DCLK1: variants seen among roughly 807,000 people sequenced by gnomAD.
DCLK1 encodes the protein serine/threonine-protein kinase DCLK1.
In DCLK1, 16 loss-of-function variants were observed where a neutral mutation model predicts 86.2. The observed-to-expected ratio is 0.19, with a 90% CI of 0.13 to 0.28. The LOEUF (loss-of-function observed/expected upper bound fraction) is 0.28, where lower values mean the gene tolerates loss of function less well. Among genes scored for constraint, DCLK1 ranks in the 10% least tolerant of loss-of-function variants. DCLK1 has a pLI of 1.00. For synonymous variants in DCLK1, 369 were observed against 370.5 expected, an observed-to-expected ratio of 1.00 and a Z score of 0.05; for missense variants, 590 against 940.2, an observed-to-expected ratio of 0.63 and a Z score of 4.87.
chr13:36,029,744 G>A (rs1417626120), intron 3 of DCLK1, among the ~76,000 whole-genome samples: 1 of 152,004 alleles, frequency 6.6e-6, no homozygotes, highest in Non-Finnish European at 1.5e-5. Context: ...AGAAACCAAT[G>A]GAAAAACAAG....
chr13:36,112,062 C>A lies in DCLK1; in HGVS notation c.530G>T (p.Arg177Leu), dbSNP rs766765628. The change falls in exon 3 of 17, where the codon CGA becomes CTA. Residue 177 changes from arginine to leucine, a missense_variant. Physicochemically the swap from Arg to Leu is moderately radical, Grantham distance 102 (BLOSUM62 -2). Transcript: ENST00000360631. ...ATAKGSPSEV[R>L]ENKDFIRPKL... ...GGGCCGAATGAAATCCTTATTCTCT[C>A]GCACCTCTGAAGGGCTTCCTTTGGC... 6.2e-7 allele frequency: 1 copy of A among 1,614,174 alleles called. No homozygotes were observed. The highest frequency in any genetic ancestry group is 8.5e-7 in the Non-Finnish European group (1 of 1,180,042).
chr13:36,060,140 G>C (rs1883488008), intron 3 of DCLK1, among the ~76,000 whole-genome samples: 1 of 151,952 alleles, frequency 6.6e-6, no homozygotes, highest in Admixed American at 6.5e-5. Context: ...CAAGGTGCTG[G>C]GATTACAGGG....
At chr13:35,797,143 GT>G (rs1180903019) in intron 15 of DCLK1, among the ~76,000 whole-genome samples, 3 of 152,224 alleles carry the variant, frequency 2.0e-5, no homozygotes, top group Admixed American at 1.3e-4. Flanking sequence ...AGCCAACAGG[GT>G]TGCCGTATGA....
At chr13:35,934,310 G>C (rs1876632928) in intron 4 of DCLK1, among the ~76,000 whole-genome samples, 1 of 152,116 alleles carries the variant, frequency 6.6e-6, no homozygotes, top group African/African-American at 2.4e-5. Context: ...CTTCTTAGCA[G>C]CACCCCACTC....
At chr13:35,937,536 C>T (rs1452413294) in intron 4 of DCLK1, among the ~76,000 whole-genome samples, 1 of 152,090 alleles carries the variant, frequency 6.6e-6, no homozygotes, top group Non-Finnish European at 1.5e-5. Context: ...GGAAATGGAA[C>T]TCCCATTTTG....
intron 3 of DCLK1, among the ~76,000 whole-genome samples, chr13:36,055,158 C>G (rs1180552239): frequency 3.3e-5 from 5 of 152,050 alleles, no homozygotes; most frequent in Admixed American, 1.3e-4. Flanking sequence ...AACAGCCGTT[C>G]CCAGAAACCA....
At chr13:36,072,029 C>CA (rs1419736298) in intron 3 of DCLK1, among the ~76,000 whole-genome samples, 1 of 152,170 alleles carries the variant, frequency 6.6e-6, no homozygotes, top group Non-Finnish European at 1.5e-5. Flanking sequence ...CAGATTGAAG[C>CA]CATTCTTACT....
At position 36,079,511 on chromosome 13, in the gene DCLK1, A is replaced by C. The variant is rs1884339231; in HGVS notation, c.723+32358T>G. Among the ~76,000 whole-genome samples the C allele has an allele frequency of 2.0e-5, 3 of 152,206 alleles. No homozygotes were observed. In the South Asian group the frequency reaches 6.2e-4, roughly 32 times the overall value. Reference sequence around the variant, plus strand: ...GCCGGGCATGGTGGCGGGCACATGTAATCCCAGCTACTTGGGAGGCTGAGG... The same window carrying C: ...GCCGGGCATGGTGGCGGGCACATGTCATCCCAGCTACTTGGGAGGCTGAGG... On this transcript the variant is annotated intron_variant, in intron 3 of 16. Coordinates refer to ENST00000360631, the MANE Select transcript of DCLK1 (RefSeq NM_001330071.2).
chr13:35,835,566 G>A (rs185223905), intron 8 of DCLK1, among the ~76,000 whole-genome samples: 27 of 152,168 alleles, frequency 1.8e-4, no homozygotes, highest in African/African-American at 5.8e-4. Context: ...ATTTTAATAC[G>A]TCTTAATGTG....
At chr13:35,897,922 A>T (rs908783860) in intron 4 of DCLK1, among the ~76,000 whole-genome samples, 4 of 152,238 alleles carry the variant, frequency 2.6e-5, no homozygotes, top group African/African-American at 9.6e-5. Context: ...CGTTTATAAA[A>T]ATTAAATTTC....
intron 4 of DCLK1, among the ~76,000 whole-genome samples, chr13:35,940,354 G>A (rs1877018064): frequency 6.6e-6 from 1 of 152,030 alleles, no homozygotes. Context: ...ACTGTCTGCA[G>A]GTACTTGAGC....
chr13:35,945,679 C>T (rs1490352247), intron 4 of DCLK1, among the ~76,000 whole-genome samples: 2 of 152,158 alleles, frequency 1.3e-5, no homozygotes, highest in African/African-American at 4.8e-5. Flanking sequence ...GTGCTGTCAA[C>T]TCTTCTGTCT....
chr13:35,836,231 G>T, intron 7 of DCLK1, 90 bp from the exon 8 acceptor site: 1 of 1,121,000 alleles, frequency 8.9e-7, no homozygotes, highest in Non-Finnish European at 1.3e-6. Context: ...CTAATTGACT[G>T]GAATGGATTC....
At chr13:35,869,600 G>C (rs1202943001) in intron 5 of DCLK1, among the ~76,000 whole-genome samples, 1 of 133,642 alleles carries the variant, frequency 7.5e-6, no homozygotes, top group Non-Finnish European at 1.6e-5. Context: ...AGATTATCCA[G>C]AGTCAAATGT....
chr13:35,999,127 C>T (rs1880600803), intron 3 of DCLK1, among the ~76,000 whole-genome samples: 1 of 152,040 alleles, frequency 6.6e-6, no homozygotes, highest in South Asian at 2.1e-4. Context: ...CAGTAGCATG[C>T]ACCTGTAGTC....
At position 35,804,954 on chromosome 13, in the gene DCLK1, A is replaced by G. The variant is rs182500113; in HGVS notation, c.1944+745T>C. 3.7e-3 allele frequency among the ~76,000 whole-genome samples: 569 copies of G among 152,308 alleles called. 6 individuals carry two copies. The highest frequency in any genetic ancestry group is 0.011 in the South Asian group (53 of 4,826). On this transcript the variant is annotated intron_variant, in intron 15 of 16. Coordinates refer to ENST00000360631, the MANE Select transcript of DCLK1 (RefSeq NM_001330071.2). ...GAATCTGCGTTTTAACAGGCTCTCC[A>G]GGTGATTTGTGAGCACATTCAAGTT...
At chr13:35,985,816 A>C (rs1157007734) in intron 3 of DCLK1, among the ~76,000 whole-genome samples, 1 of 152,226 alleles carries the variant, frequency 6.6e-6, no homozygotes, top group African/African-American at 2.4e-5. Flanking sequence ...TGAAGGATCT[A>C]TTCTAAGATT....
At chr13:35,956,432 A>G (rs1372684342) in intron 3 of DCLK1, among the ~76,000 whole-genome samples, 1 of 152,212 alleles carries the variant, frequency 6.6e-6, no homozygotes, top group African/African-American at 2.4e-5. Flanking sequence ...TCTTACTGTG[A>G]TAATTGGAAA....
intron 3 of DCLK1, among the ~76,000 whole-genome samples, chr13:36,085,719 C>A (rs1448076556): frequency 1.3e-5 from 2 of 152,122 alleles, no homozygotes; most frequent in Non-Finnish European, 2.9e-5. Flanking sequence ...CGAGAGAATA[C>A]CAGTCTGCCA....
Sources: gnomAD v4.1 joint callset for allele counts (sites outside exome capture counted in the v4.1 genomes callset) on GRCh38, gnomAD v4.1.1 for gene constraint, MANE v1.5 for transcripts, NCBI Gene and HGNC (gene_info 2026-07-23, HGNC 2026-07-21) for gene names.